STIM2: variants seen among roughly 807,000 people sequenced by gnomAD.
STIM2 encodes stromal interaction molecule 2.
A neutral mutation model predicts 85.8 loss-of-function variants in STIM2; 31 were observed. That is an observed-to-expected ratio of 0.36 (90% CI 0.27 to 0.49). The LOEUF is 0.49. Among genes scored for constraint, STIM2 ranks in the 20% least tolerant of loss-of-function variants. The probability of loss-of-function intolerance (pLI) is 0.98; values close to 1 mark genes in which losing one functional copy is unlikely to be tolerated. For synonymous variants in STIM2, 356 were observed against 331.1 expected, an observed-to-expected ratio of 1.08 and a Z score of -0.82; for missense variants, 841 against 927.6, an observed-to-expected ratio of 0.91 and a Z score of 1.21.
intron 1 of STIM2, among the ~76,000 whole-genome samples, chr4:26,910,017 A>G (rs1724273169): frequency 6.6e-6 from 1 of 152,172 alleles, no homozygotes; most frequent in African/African-American, 2.4e-5. Context: ...GATTTTATAT[A>G]TGTGTGTACC....
intron 10 of STIM2, among the ~76,000 whole-genome samples, chr4:27,016,733 C>T (rs962296312): frequency 1.3e-5 from 2 of 152,184 alleles, no homozygotes; most frequent in Non-Finnish European, 2.9e-5. Context: ...CTCATTATTC[C>T]AATACCTAAC....
chr4:26,868,655 A>G (rs778986064), intron 1 of STIM2, among the ~76,000 whole-genome samples: 16 of 152,202 alleles, frequency 1.1e-4, no homozygotes, highest in Non-Finnish European at 1.5e-4. Flanking sequence ...CAAGTTGCAC[A>G]GGCCCATGTT....
intron 1 of STIM2, among the ~76,000 whole-genome samples, chr4:26,872,561 A>G (rs911794784): frequency 2.6e-5 from 4 of 152,210 alleles, no homozygotes; most frequent in Admixed American, 1.3e-4. Context: ...ATATGTATGC[A>G]TATTGATATA....
At chr4:26,902,578 C>T (rs1048398955) in intron 1 of STIM2, among the ~76,000 whole-genome samples, 1 of 152,126 alleles carries the variant, frequency 6.6e-6, no homozygotes, top group South Asian at 2.1e-4. Flanking sequence ...GGAAGCAAAG[C>T]TAATATTACT....
intron 10 of STIM2, among the ~76,000 whole-genome samples, chr4:27,010,065 T>C (rs1728508798): frequency 6.6e-6 from 1 of 152,228 alleles, no homozygotes; most frequent in Non-Finnish European, 1.5e-5. Flanking sequence ...TGAATAATTA[T>C]TCTAGTTTTA....
At chr4:26,976,255 C>T (rs1727187824) in intron 3 of STIM2, among the ~76,000 whole-genome samples, 2 of 152,094 alleles carry the variant, frequency 1.3e-5, no homozygotes, top group South Asian at 4.1e-4. Context: ...TGGCTGCACA[C>T]GTTGCCCAGC....
At chr4:26,891,590 CA>C (rs1560197010) in intron 1 of STIM2, among the ~76,000 whole-genome samples, 3 of 151,068 alleles carry the variant, frequency 2.0e-5, no homozygotes, top group Non-Finnish European at 4.4e-5. Context: ...CACACACACA[CA>C]CACACACCCC....
intron 1 of STIM2, among the ~76,000 whole-genome samples, chr4:26,908,525 C>G (rs1169129842): frequency 6.6e-6 from 1 of 152,178 alleles, no homozygotes; most frequent in Non-Finnish European, 1.5e-5. Flanking sequence ...TTGCTGTCGC[C>G]CAGCCTGGAG....
At chr4:26,884,559 A>G (rs895701939) in intron 1 of STIM2, among the ~76,000 whole-genome samples, 6 of 152,204 alleles carry the variant, frequency 3.9e-5, no homozygotes, top group Non-Finnish European at 8.8e-5. Context: ...ATTTAAATAT[A>G]AAGAAAACTA....
chr4:26,953,297 G>GAC (rs1726124570), intron 2 of STIM2, among the ~76,000 whole-genome samples: 1 of 152,062 alleles, frequency 6.6e-6, no homozygotes, highest in Admixed American at 6.6e-5. Flanking sequence ...TTTAAACTTT[G>GAC]ACATTGATTC....
chr4:26,875,088 C>A (rs759832573), intron 1 of STIM2, among the ~76,000 whole-genome samples: 35 of 152,170 alleles, frequency 2.3e-4, no homozygotes, highest in Non-Finnish European at 4.3e-4. Context: ...CTCATAGTAT[C>A]AGTTATACAA....
intron 3 of STIM2, among the ~76,000 whole-genome samples, chr4:26,969,124 C>T (rs1726837888): frequency 1.3e-5 from 2 of 152,152 alleles, no homozygotes; most frequent in African/African-American, 2.4e-5. Flanking sequence ...AACTTGCTGA[C>T]AGAATAATTC....
At chr4:26,950,027 A>G (rs1286951566) in intron 2 of STIM2, among the ~76,000 whole-genome samples, 1 of 152,192 alleles carries the variant, frequency 6.6e-6, no homozygotes, top group Non-Finnish European at 1.5e-5. Context: ...ACTTAACGTG[A>G]AAGTAAGTGT....
chr4:26,933,841 A>G (rs1023594549), intron 2 of STIM2, among the ~76,000 whole-genome samples: 14 of 152,106 alleles, frequency 9.2e-5, no homozygotes, highest in African/African-American at 3.1e-4. Context: ...ATGGATACAT[A>G]TATAACATAT....
chr4:26,946,571 C>T (rs932237273), intron 2 of STIM2, among the ~76,000 whole-genome samples: 5 of 152,216 alleles, frequency 3.3e-5, no homozygotes, highest in Admixed American at 1.3e-4. Context: ...TGTGTGCGCA[C>T]GCATGCGTGC....
intron 1 of STIM2, among the ~76,000 whole-genome samples, chr4:26,909,725 A>G (rs1724262233): frequency 6.6e-6 from 1 of 152,214 alleles, no homozygotes; most frequent in Non-Finnish European, 1.5e-5. Context: ...TGAGCATACA[A>G]TTCAGTAGCA....
intron 1 of STIM2, among the ~76,000 whole-genome samples, chr4:26,901,776 C>G (rs764932310): frequency 1.2e-4 from 18 of 152,056 alleles, no homozygotes; most frequent in Non-Finnish European, 8.8e-5. Flanking sequence ...AGTGGAATTG[C>G]GATTTGAGCT....
intron 4 of STIM2, among the ~76,000 whole-genome samples, chr4:26,997,441 G>A (rs1006673268): frequency 6.6e-6 from 1 of 152,070 alleles, no homozygotes; most frequent in African/African-American, 2.4e-5. Context: ...TTATACTAAG[G>A]CTGTCTTCAC....
intron 2 of STIM2, among the ~76,000 whole-genome samples, chr4:26,942,595 A>G (rs193047316): frequency 1.2e-4 from 19 of 152,240 alleles, no homozygotes; most frequent in Admixed American, 3.3e-4. Flanking sequence ...CCATGTGGCT[A>G]TGCAGTGTTC....
Sources: gnomAD v4.1 joint callset for allele counts (sites outside exome capture counted in the v4.1 genomes callset) on GRCh38, gnomAD v4.1.1 for gene constraint, MANE v1.5 for transcripts, NCBI Gene and HGNC (gene_info 2026-07-23, HGNC 2026-07-21) for gene names.